The following C9orf85 variants were observed in gnomAD, a reference collection of about 807,000 sequenced individuals.
The protein encoded by C9orf85 is uncharacterized protein C9orf85.
A neutral mutation model predicts 14.9 loss-of-function variants in C9orf85; 16 were observed. The ratio of observed to expected loss-of-function variants is 1.08; its 90% CI spans 0.73 to 1.63. C9orf85 has a LOEUF of 1.63. Among genes scored for constraint, C9orf85 ranks in the 40% most tolerant of loss-of-function variants. The pLI, the probability that C9orf85 is intolerant of heterozygous loss-of-function variation, is 0.00. For synonymous variants in C9orf85, 45 were observed against 56.8 expected (o/e 0.79, Z 0.93); for missense variants, 172 against 186.1 (o/e 0.92, Z 0.44).
At chr9:71,957,430 A>G (rs1408376931) in intron 2 of C9orf85, among the ~76,000 whole-genome samples, 4 of 152,222 alleles carry the variant, frequency 2.6e-5, no homozygotes, top group Non-Finnish European at 5.9e-5. Context: ...ATATCATATT[A>G]CTCAGTGAAA....
At chr9:71,917,217 T>G (rs953046780) in intron 1 of C9orf85, among the ~76,000 whole-genome samples, 8 of 152,166 alleles carry the variant, frequency 5.3e-5, no homozygotes, top group African/African-American at 1.7e-4. Context: ...CAGAAATGAG[T>G]GTGGTTTATT....
intron 1 of C9orf85, among the ~76,000 whole-genome samples, chr9:71,916,554 T>A (rs1160588773): frequency 1.3e-5 from 2 of 152,210 alleles, no homozygotes; most frequent in Non-Finnish European, 2.9e-5. Context: ...TAATTTGTTG[T>A]GGAGCTCACT....
At chr9:71,938,404 T>C (rs1186281813) in intron 1 of C9orf85, among the ~76,000 whole-genome samples, 1 of 152,048 alleles carries the variant, frequency 6.6e-6, no homozygotes, top group Non-Finnish European at 1.5e-5. Context: ...AGTTTGGTCA[T>C]TTTTTTAAAA....
chr9:71,971,050 G>A (rs897679034), intron 2 of C9orf85, among the ~76,000 whole-genome samples: 4 of 151,876 alleles, frequency 2.6e-5, no homozygotes, highest in Non-Finnish European at 5.9e-5. Context: ...CACTACTCCC[G>A]GCCTACAATA....
At chr9:71,921,925 T>TATTATTATTA (rs1488058699) in intron 1 of C9orf85, among the ~76,000 whole-genome samples, 3 of 8,864 alleles carry the variant, frequency 3.4e-4, no homozygotes, top group African/African-American at 6.2e-4. Context: ...TTTTTATTTT[T>TATTATTATTA]TTTTTATTAT....
intron 3 of C9orf85, among the ~76,000 whole-genome samples, chr9:71,982,097 T>G (rs569115562): frequency 6.6e-6 from 1 of 152,228 alleles, no homozygotes; most frequent in Admixed American, 6.5e-5. Context: ...ATCTTTTGTG[T>G]GTCCATAAAA....
downstream of C9orf85, among the ~76,000 whole-genome samples, chr9:71,975,558 C>T (rs998162862): frequency 4.6e-5 from 7 of 151,118 alleles, no homozygotes; most frequent in African/African-American, 7.3e-5. Flanking sequence ...TCCCGCTGGG[C>T]GTGTTGCCTC....
chr9:71,940,417 G>A (rs113356208), intron 1 of C9orf85, among the ~76,000 whole-genome samples: 12 of 152,110 alleles, frequency 7.9e-5, no homozygotes, highest in African/African-American at 2.4e-4. Context: ...CTGGGCAACA[G>A]AGTGAGATTT....
chr9:71,943,857 C>T (rs1466975902), intron 1 of C9orf85, among the ~76,000 whole-genome samples: 5 of 151,150 alleles, frequency 3.3e-5, no homozygotes. Context: ...CACCCAACTT[C>T]TGTATGGCAT....
At chr9:71,975,690 C>T (rs1822986045), downstream of C9orf85, among the ~76,000 whole-genome samples, 1 of 151,978 alleles carries the variant, frequency 6.6e-6, no homozygotes, top group Admixed American at 6.6e-5. Context: ...AAATTAACCA[C>T]GCCTGGTGGC....
chr9:71,956,242 G>GTTTTTT (rs60432625), intron 2 of C9orf85, among the ~76,000 whole-genome samples: 3 of 51,012 alleles, frequency 5.9e-5, no homozygotes, highest in Non-Finnish European at 7.5e-5. Flanking sequence ...GAATGCAAAA[G>GTTTTTT]TTTTTTTTTT....
At chr9:71,913,674 T>C (rs1181617017) in intron 1 of C9orf85, among the ~76,000 whole-genome samples, 2 of 152,246 alleles carry the variant, frequency 1.3e-5, no homozygotes, top group African/African-American at 4.8e-5. Context: ...ACCCTAAGGT[T>C]GTGCACAAAC....
intron 2 of C9orf85, among the ~76,000 whole-genome samples, chr9:71,962,630 C>G (rs1437890630): frequency 6.6e-6 from 1 of 152,192 alleles, no homozygotes; most frequent in Non-Finnish European, 1.5e-5. Flanking sequence ...CACGTAAAGT[C>G]TTTTATTTCT....
intron 1 of C9orf85, among the ~76,000 whole-genome samples, chr9:71,921,958 T>TTATTATTATTATTA (rs1564082784): frequency 1.1e-5 from 1 of 93,586 alleles, no homozygotes; most frequent in African/African-American, 4.4e-5. Flanking sequence ...TATTATTATT[T>TTATTATTATTATTA]TGAAACAGAG....
intron 2 of C9orf85, among the ~76,000 whole-genome samples, chr9:71,951,354 G>A (rs1237126376): frequency 6.6e-6 from 1 of 152,212 alleles, no homozygotes; most frequent in Non-Finnish European, 1.5e-5. Context: ...TAAACAGTGT[G>A]ACAGTGGTAC....
intron 1 of C9orf85, among the ~76,000 whole-genome samples, chr9:71,932,749 CTCAT>C (rs1229334685): frequency 3.9e-5 from 6 of 152,116 alleles, no homozygotes; most frequent in Middle Eastern, 3.4e-3. Flanking sequence ...GAAAATATGG[CTCAT>C]TCAAAGGAAA....
intron 2 of C9orf85, among the ~76,000 whole-genome samples, chr9:71,948,612 C>T (rs2132311643): frequency 6.6e-6 from 1 of 152,282 alleles, no homozygotes; most frequent in East Asian, 1.9e-4. Context: ...ACCTCCGCCT[C>T]CCAGGTTCAA....
chr9:71,972,005 C>T (rs917481305), intron 3 of C9orf85, among the ~76,000 whole-genome samples: 53 of 150,620 alleles, frequency 3.5e-4, no homozygotes, highest in African/African-American at 1.2e-3. Flanking sequence ...AGAGATGATC[C>T]GTGATCCATA....
chr9:71,936,547 C>T (rs977660137), intron 1 of C9orf85, among the ~76,000 whole-genome samples: 7 of 151,846 alleles, frequency 4.6e-5, no homozygotes, highest in African/African-American at 1.5e-4. Flanking sequence ...TCCCATATTA[C>T]TGCTGCAACA....
Sources: gnomAD v4.1 joint callset for allele counts (sites outside exome capture counted in the v4.1 genomes callset) on GRCh38, gnomAD v4.1.1 for gene constraint, MANE v1.5 for transcripts, NCBI Gene and HGNC (gene_info 2026-07-23, HGNC 2026-07-21) for gene names.